The following NAV3 variants were observed in gnomAD, a reference collection of about 807,000 sequenced individuals.
NAV3 encodes the protein pore membrane and/or filament interacting like protein 1.
NAV3 carries 87 observed loss-of-function variants against 244.7 expected under a neutral mutation model. The ratio of observed to expected loss-of-function variants is 0.36; its 90% CI spans 0.30 to 0.42. The LOEUF (loss-of-function observed/expected upper bound fraction) is 0.42. Among genes scored for constraint, NAV3 ranks in the 20% least tolerant of loss-of-function variants. The pLI is 1.00. For missense variants in NAV3, 2,663 were observed against 2,893.3 expected (o/e 0.92, Z 1.83); for synonymous variants, 1,126 against 1,042.2 (o/e 1.08, Z -1.55).
At chr12:77,739,329 T>A (rs1868286361) in intron 2 of NAV3, among the ~76,000 whole-genome samples, 1 of 152,208 alleles carries the variant, frequency 6.6e-6, no homozygotes, top group Non-Finnish European at 1.5e-5. Flanking sequence ...AAAAAGATAG[T>A]ATATATTTTC....
intron 5 of NAV3, among the ~76,000 whole-genome samples, chr12:77,990,399 A>G (rs1871250489): frequency 6.6e-6 from 1 of 152,150 alleles, no homozygotes; most frequent in South Asian, 2.1e-4. Context: ...TAATCCTGAC[A>G]AATGAAGGAC....
At chr12:77,823,142 T>C (rs1197983158) in intron 2 of NAV3, among the ~76,000 whole-genome samples, 1 of 152,120 alleles carries the variant, frequency 6.6e-6, no homozygotes, top group Non-Finnish European at 1.5e-5. Context: ...AGAGTAGAGA[T>C]GGAGAACCCA....
chr12:77,705,457 T>C (rs1008925280), intron 2 of NAV3, among the ~76,000 whole-genome samples: 2 of 151,290 alleles, frequency 1.3e-5, no homozygotes, highest in African/African-American at 4.9e-5. Flanking sequence ...AAAAGGGGAT[T>C]TTATGGGCTA....
At chr12:77,712,103 G>T (rs1415366393) in intron 2 of NAV3, among the ~76,000 whole-genome samples, 1 of 152,096 alleles carries the variant, frequency 6.6e-6, no homozygotes, top group African/African-American at 2.4e-5. Flanking sequence ...AGTTTTAGCT[G>T]TTTTGTATGA....
Position 78,018,450 on chromosome 12 carries a change from A to G in NAV3, c.1908-3297A>G, listed in dbSNP as rs2136758904. On this transcript the variant is annotated intron_variant, in intron 8 of 39. Transcript: ENST00000397909. ...GTAGAGCAAAAACTATACGGCTAAAATACATTCCAAGTTTTCTTTTACTCC... is the reference window on the plus strand; with the variant it reads ...GTAGAGCAAAAACTATACGGCTAAAGTACATTCCAAGTTTTCTTTTACTCC... Among the ~76,000 whole-genome samples the G allele has an allele frequency of 2.0e-5, 3 of 152,316 alleles. No homozygotes were observed. In the Middle Eastern group the frequency reaches 0.01, roughly 518 times the overall value.
Position 78,007,427 on chromosome 12 carries a change from T to C in NAV3, c.1889T>C (p.Val630Ala). ...QQHSHPNTAT[V>A]APFIYRAHSE... is the part of the protein sequence containing the mutation. ...CATAGCCACCCGAATACCGCGACAG[T>C]GGCACCATTCATTTACAGGTAAGGT... is the stretch of plus-strand genomic sequence containing the variant. The change falls in exon 8 of 40, where the codon GTG becomes GCG. Residue 630 changes from valine (V) to alanine (A), a missense_variant. Physicochemically the swap from Val to Ala is moderately conservative, Grantham distance 64. This residue lies in a region of NAV3 where 1,521 missense variants were observed against 1,497.0 expected (regional missense o/e 1.02). Coordinates refer to ENST00000397909, the MANE Select transcript of NAV3 (RefSeq NM_001024383.2). The C allele has an allele frequency of 2.5e-6, 4 of 1,613,616 alleles. No homozygotes were observed. Among genetic ancestry groups the C allele is most frequent in the Non-Finnish European group, 3.4e-6 (4 of 1,179,740 alleles).
At chr12:78,031,109 G>C (rs1450530949) in intron 9 of NAV3, among the ~76,000 whole-genome samples, 2 of 152,156 alleles carry the variant, frequency 1.3e-5, no homozygotes, top group African/African-American at 4.8e-5. Flanking sequence ...AGTTAGTCTT[G>C]CCAGGGTAAG....
chr12:78,176,542 G>T, intron 26 of NAV3, 83 bp downstream of exon 26: 2 of 1,285,514 alleles, frequency 1.6e-6, no homozygotes, highest in Non-Finnish European at 2.2e-6. Context: ...TTGGCAGTAG[G>T]CTTTTATACC....
Position 77,664,334 on chromosome 12 carries a change from G to C in NAV3, c.72+92068G>C, listed in dbSNP as rs569267575. Among the ~76,000 whole-genome samples the C allele has an allele frequency of 1.8e-4, 28 of 152,310 alleles. No individual in the cohort carries two copies. In the East Asian group the frequency reaches 5.2e-3, roughly 28 times the overall value. ...CCAAATAATTGTGATATTCAATGAA[G>C]AATGAGGTACTGCTTAATGTATTAT... On this transcript the variant is annotated intron_variant, in intron 2 of 8. Transcript: ENST00000550042.
intron 1 of NAV3, among the ~76,000 whole-genome samples, chr12:77,852,003 C>T (rs923507704): frequency 6.6e-6 from 1 of 152,196 alleles, no homozygotes; most frequent in Non-Finnish European, 1.5e-5. Context: ...GACCTAGCTA[C>T]TGCCTATTTT....
At chr12:77,955,946 CAT>C (rs757789790) in intron 3 of NAV3, among the ~76,000 whole-genome samples, 11 of 152,116 alleles carry the variant, frequency 7.2e-5, no homozygotes, top group Non-Finnish European at 1.5e-4. Context: ...GTTTCTGTGT[CAT>C]AATATTTATT....
intron 12 of NAV3, among the ~76,000 whole-genome samples, chr12:78,104,760 G>A (rs1448474361): frequency 6.6e-6 from 1 of 152,134 alleles, no homozygotes; most frequent in Non-Finnish European, 1.5e-5. Flanking sequence ...TGCTACCACA[G>A]TCTTCCTGAT....
intron 30 of NAV3, among the ~76,000 whole-genome samples, chr12:78,181,911 A>C (rs1031060941): frequency 1.3e-5 from 2 of 152,036 alleles, no homozygotes; most frequent in African/African-American, 2.4e-5. Flanking sequence ...AATGAATCAC[A>C]TCTCTTCTAA....
intron 1 of NAV3, among the ~76,000 whole-genome samples, chr12:77,923,130 T>G (rs1298685024): frequency 6.6e-6 from 1 of 151,962 alleles, no homozygotes; most frequent in Non-Finnish European, 1.5e-5. Context: ...AATTTATAAA[T>G]ATTATAATTA....
chr12:77,637,465 C>T (rs1280888682), intron 2 of NAV3, among the ~76,000 whole-genome samples: 5 of 151,974 alleles, frequency 3.3e-5, no homozygotes, highest in Admixed American at 6.5e-5. Flanking sequence ...TTCAAAGATA[C>T]GTATTTTTAA....
intron 23 of NAV3, 116 bp downstream of exon 23, chr12:78,159,402 G>T (rs1264168673): frequency 3.2e-6 from 3 of 924,120 alleles, no homozygotes; most frequent in African/African-American, 1.7e-5. Context: ...AGAGGCTCAT[G>T]CCTGTAATCT....
chr12:77,603,599 C>T (rs932986605), intron 2 of NAV3, among the ~76,000 whole-genome samples: 1 of 152,002 alleles, frequency 6.6e-6, no homozygotes, highest in African/African-American at 2.4e-5. Flanking sequence ...GCACCTTGAT[C>T]TATGGATTAA....
At chr12:77,671,303 G>A (rs11106206) in intron 2 of NAV3, among the ~76,000 whole-genome samples, 8,046 of 152,040 alleles carry the variant, frequency 0.053, 502 homozygotes, top group African/African-American at 0.15. Context: ...AGAACTCATA[G>A]ATGACACAAA....
chr12:78,099,753 G>A (rs970792529), intron 12 of NAV3, among the ~76,000 whole-genome samples: 4 of 151,778 alleles, frequency 2.6e-5, no homozygotes, highest in Non-Finnish European at 5.9e-5. Flanking sequence ...TTAAACAAAA[G>A]AATTTGTAAT....
Sources: allele counts gnomAD v4.1 joint callset (sites outside exome capture counted in the v4.1 genomes callset), GRCh38; gene constraint gnomAD v4.1.1; regional missense constraint gnomAD v4.1.1; transcripts MANE v1.5; gene names NCBI Gene and HGNC (gene_info 2026-07-23, HGNC 2026-07-21).